The following WWOX variants were observed in gnomAD, a reference collection of about 807,000 sequenced individuals.
WWOX encodes WW domain-containing oxidoreductase.
In WWOX, 69 loss-of-function variants were observed where a neutral mutation model predicts 46.2. The observed-to-expected ratio is 1.49, with a 90% CI of 1.23 to 1.82. The LOEUF is 1.82. WWOX is among the 40% of genes most tolerant of loss of function. WWOX has a pLI of 0.00. For missense variants in WWOX, 919 were observed against 542.6 expected, an observed-to-expected ratio of 1.69 and a Z score of -6.89; for synonymous variants, 359 against 202.6, an observed-to-expected ratio of 1.77 and a Z score of -6.56.
chr16:78,318,454 TG>T, intron 5 of WWOX, among the ~76,000 whole-genome samples: 1 of 141,780 alleles, frequency 7.1e-6, no homozygotes, highest in East Asian at 1.9e-4. Context: ...AATATTATTC[TG>T]TTGTTTCCTA....
intron 5 of WWOX, among the ~76,000 whole-genome samples, chr16:78,266,677 C>T (rs868049615): frequency 2.3e-4 from 35 of 152,084 alleles, no homozygotes; most frequent in Non-Finnish European, 8.8e-5. Flanking sequence ...TAATGAGTAT[C>T]CACTACCTTG....
chr16:78,640,083 C>G (rs998634574), intron 8 of WWOX, among the ~76,000 whole-genome samples: 5 of 151,914 alleles, frequency 3.3e-5, no homozygotes, highest in African/African-American at 4.8e-5. Context: ...ATGAGGGGTT[C>G]AAAATAGAAA....
At position 78,390,642 on chromosome 16, in the gene WWOX, G is replaced by A. The variant is rs532557585; in HGVS notation, c.605+3694G>A. On this transcript the variant is annotated intron_variant, in intron 6 of 8. Coordinates refer to ENST00000566780, the MANE Select transcript of WWOX (RefSeq NM_016373.4). The stretch of plus-strand genomic sequence containing the variant: ...CCAAAGTGAAATCTCTCTTGGATAG[G>A]CAGATGACAGTTTAGTACTTGCAGG... 3.0e-4 allele frequency among the ~76,000 whole-genome samples: 45 copies of A among 152,244 alleles called. 1 individual carries two copies. Among genetic ancestry groups the A allele is most frequent in the African/African-American group, 9.9e-4 (41 of 41,544 alleles).
intron 5 of WWOX, among the ~76,000 whole-genome samples, chr16:78,271,500 C>T (rs1305410433): frequency 1.3e-5 from 2 of 152,222 alleles, no homozygotes; most frequent in African/African-American, 2.4e-5. Flanking sequence ...ACCACGAGAG[C>T]TTCACAGCTC....
chr16:79,135,725 A>G (rs1349353857), intron 8 of WWOX, among the ~76,000 whole-genome samples: 1 of 152,226 alleles, frequency 6.6e-6, no homozygotes, highest in Non-Finnish European at 1.5e-5. Context: ...GATTTGGAGT[A>G]TTACCATTTT....
At chr16:79,180,993 T>C (rs2050900122) in intron 8 of WWOX, among the ~76,000 whole-genome samples, 2 of 152,238 alleles carry the variant, frequency 1.3e-5, no homozygotes, top group Non-Finnish European at 2.9e-5. Flanking sequence ...GTCTGATTTT[T>C]TAGCGTATTA....
chr16:78,751,666 A>C (rs4888839), intron 8 of WWOX, among the ~76,000 whole-genome samples: 76,804 of 151,374 alleles, frequency 0.51, 22,898 homozygotes, highest in South Asian at 0.66. Flanking sequence ...TACTCCAAGA[A>C]AGCCATTTCT....
chr16:78,447,966 G>C (rs1467081116), intron 8 of WWOX, among the ~76,000 whole-genome samples: 6 of 152,068 alleles, frequency 3.9e-5, no homozygotes, highest in Admixed American at 3.3e-4. Flanking sequence ...ACTACATCCA[G>C]CTGACTTTTG....
intron 5 of WWOX, among the ~76,000 whole-genome samples, chr16:78,200,277 A>C (rs189176555): frequency 7.0e-4 from 107 of 152,014 alleles, no homozygotes; most frequent in African/African-American, 2.5e-3. Context: ...CTCACTGCTT[A>C]GTTGTCTGGG....
At chr16:78,539,749 T>C (rs1443835197) in intron 8 of WWOX, among the ~76,000 whole-genome samples, 14 of 152,228 alleles carry the variant, frequency 9.2e-5, no homozygotes, top group Admixed American at 4.6e-4. Context: ...GTAATGCTAA[T>C]GTCGGGGTGA....
intron 4 of WWOX, among the ~76,000 whole-genome samples, chr16:78,160,284 C>A (rs1171281992): frequency 6.6e-6 from 1 of 151,914 alleles, no homozygotes; most frequent in Non-Finnish European, 1.5e-5. Flanking sequence ...AGGTGTGCAC[C>A]ACCACGCCCA....
intron 8 of WWOX, among the ~76,000 whole-genome samples, chr16:78,856,376 C>G (rs1274733060): frequency 6.6e-6 from 1 of 152,194 alleles, no homozygotes; most frequent in Non-Finnish European, 1.5e-5. Context: ...GGCACAGTGG[C>G]TCACGCCTGT....
chr16:78,232,815 A>G (rs189130662), intron 5 of WWOX, among the ~76,000 whole-genome samples: 2 of 150,890 alleles, frequency 1.3e-5, no homozygotes, highest in African/African-American at 4.9e-5. Context: ...AGGAATGAAT[A>G]TCTGTAGCTG....
rs1173457053 is a variant in WWOX, at chr16:78,929,447, C to G, written c.1057-282161C>G. On this transcript the variant is annotated intron_variant, in intron 8 of 8. Transcript: ENST00000566780. ...AAAGAAGGATTTTGAAGAGGAACTG[C>G]TATATAACACTGCTTAAAAATCTAT... 3.3e-5 allele frequency among the ~76,000 whole-genome samples: 5 copies of G among 152,106 alleles called. No individual in the cohort carries two copies. The East Asian group carries it at 5.8e-4, about 18-fold the overall frequency.
chr16:79,018,635 A>G (rs779759492), intron 8 of WWOX, among the ~76,000 whole-genome samples: 5 of 152,136 alleles, frequency 3.3e-5, no homozygotes, highest in African/African-American at 4.8e-5. Flanking sequence ...TTCAAAGCCA[A>G]AGAGATTGTT....
At chr16:78,748,091 G>C (rs1196730863) in intron 8 of WWOX, among the ~76,000 whole-genome samples, 1 of 152,054 alleles carries the variant, frequency 6.6e-6, no homozygotes, top group Non-Finnish European at 1.5e-5. Context: ...CACAGACTCT[G>C]CTCTTTCTCT....
At chr16:78,650,368 G>A (rs1370525733) in intron 8 of WWOX, among the ~76,000 whole-genome samples, 5 of 152,042 alleles carry the variant, frequency 3.3e-5, no homozygotes, top group Non-Finnish European at 4.4e-5. Context: ...CCATAAGCTG[G>A]AGACACTGCC....
intron 8 of WWOX, chr16:79,017,233 A>G (rs530051660): frequency 3.9e-5 from 6 of 152,166 alleles, no homozygotes; most frequent in South Asian, 2.1e-4. Flanking sequence ...GTTGGAGACC[A>G]TCCTGGCTAA....
intron 8 of WWOX, among the ~76,000 whole-genome samples, chr16:78,964,106 G>GA (rs1414390817): frequency 2.0e-5 from 3 of 152,286 alleles, no homozygotes; most frequent in South Asian, 2.1e-4. Flanking sequence ...TCAGCAGTGT[G>GA]AAAATGGACT....
Sources: gnomAD v4.1 joint callset for allele counts (sites outside exome capture counted in the v4.1 genomes callset) on GRCh38, gnomAD v4.1.1 for gene constraint, MANE v1.5 for transcripts, NCBI Gene and HGNC (gene_info 2026-07-23, HGNC 2026-07-21) for gene names.